The following SUN2 variants were observed in gnomAD, a reference collection of about 807,000 sequenced individuals.
SUN2 encodes the protein SUN domain-containing protein 2.
In SUN2, 60 loss-of-function variants were observed where a neutral mutation model predicts 100.0. That is an observed-to-expected ratio of 0.60 (90% confidence interval 0.49 to 0.74). SUN2 has a LOEUF of 0.74. Among genes scored for constraint, SUN2 ranks in the 30% least tolerant of loss-of-function variants. The pLI, the probability that SUN2 is intolerant of heterozygous loss-of-function variation, is 0.00. For synonymous variants in SUN2, 367 were observed against 403.3 expected, an observed-to-expected ratio of 0.91 and a Z score of 1.08; for missense variants, 834 against 954.6, an observed-to-expected ratio of 0.87 and a Z score of 1.66.
At position 38,740,436 on chromosome 22, in the gene SUN2, G is replaced by A. The variant is rs754222779; in HGVS notation, c.1191-4C>T. 35 of 1,487,804 alleles carry A rather than the reference G, an allele frequency of 2.4e-5. No homozygotes were observed. In the African/African-American group the frequency reaches 4.5e-4, roughly 19 times the overall value. The allele number at this position is 1,487,804 out of a possible 1,614,324, so 92.2% of individuals were successfully genotyped here. ...CTGGAAGGACTCCTGGGTCATGCTG[G>A]TCCCAGAGAGAGAAGAGTAAGCCTC... is the stretch of plus-strand genomic sequence containing the variant. On this transcript the variant is annotated splice_region_variant and splice_polypyrimidine_tract_variant and intron_variant, in intron 11 of 17. Transcript: ENST00000689035. This position sits in a 1 kb window ranked among gnomAD's most constrained non-coding sequence, Gnocchi z 4.8.
Position 38,744,972 on chromosome 22 carries a change from A to T in SUN2, c.813+712T>A, listed in dbSNP as rs1404066263. 3 of 461,000 alleles carry T rather than the reference A, an allele frequency of 6.5e-6. No homozygotes were observed. In the East Asian group the frequency reaches 2.1e-4, roughly 32 times the overall value. 28.6% of individuals were successfully genotyped at this position (461,000 alleles called of 1,614,324 possible). On this transcript the variant is annotated intron_variant, in intron 8 of 17. Coordinates refer to ENST00000689035, the MANE Select transcript of SUN2 (RefSeq NM_015374.3). ...TCCTCCCTGCAGCCGCACCTCTGTC[A>T]TGTGACCTTGTGGGCTCTCTTGCTG... is the stretch of plus-strand genomic sequence containing the variant.
chr22:38,739,949 G>A lies in SUN2; in HGVS notation c.1357-6C>T. ...GCCGGGAACTGAGATTCCACCTATA[G>A]GAACCCAAAGGGGTGTCACCCTGGG... On this transcript the variant is annotated splice_polypyrimidine_tract_variant and splice_region_variant and intron_variant, in intron 12 of 17. Transcript: ENST00000689035. The surrounding 1 kb of genome is among the most constrained non-coding windows in gnomAD (Gnocchi z 6.7). The A allele has an allele frequency of 6.2e-7, 1 of 1,608,606 alleles. No homozygotes were observed. Among genetic ancestry groups the A allele is most frequent in the South Asian group, 1.1e-5 (1 of 91,080 alleles).
rs979622195 is a variant in SUN2 at position 38,736,471 on chromosome 22, G to A, written c.2041-91C>T. On this transcript the variant is annotated intron_variant, in intron 17 of 17. Transcript: ENST00000689035. ...GGAAGGGGAGACAGCCTCGCCTAGG[G>A]CCAGATGGCTCCCCTGCTCCTTCCC... 1.4e-5 allele frequency: 14 copies of A among 1,026,418 alleles called. No homozygotes were observed. The African/African-American group carries it at 2.1e-4, about 15-fold the overall frequency. 63.6% of individuals were successfully genotyped at this position (1,026,418 alleles called of 1,614,324 possible). A position where few individuals can be genotyped will look rare whatever the true frequency, so the allele number is the denominator to read the frequency against.
rs62228777 is a variant in SUN2 at position 38,741,337 on chromosome 22, A to G, written c.1146+157T>C. 3.4e-3 allele frequency among the ~76,000 whole-genome samples: 521 copies of G among 151,956 alleles called. 3 individuals carry two copies. Among genetic ancestry groups the G allele is most frequent in the Non-Finnish European group, 5.9e-3 (403 of 67,952 alleles). On this transcript the variant is annotated intron_variant, in intron 10 of 17. Coordinates refer to ENST00000689035, the MANE Select transcript of SUN2 (RefSeq NM_015374.3). ...GGAGCCCCTGCACAGCTCTCCAACT[A>G]AGGGGTCGGGGGTCAAACAGAGAAG...
At chr22:38,741,472 T>C in intron 10 of SUN2, 22 bp downstream of exon 10, 1 of 1,612,766 alleles carries the variant, frequency 6.2e-7, no homozygotes, top group Non-Finnish European at 8.5e-7. Context: ...TCACAGGCCC[T>C]GAGTGCCGCA....
rs1191325542 is a variant in SUN2, at chr22:38,739,184, C to T, written c.1663+158G>A. The T allele has an allele frequency of 3.2e-6, 3 of 944,022 alleles. No individual in the cohort carries two copies. Among genetic ancestry groups the T allele is most frequent in the African/African-American group, 3.2e-5 (2 of 61,620 alleles). 58.5% of individuals were successfully genotyped at this position (944,022 alleles called of 1,614,324 possible). On this transcript the variant is annotated intron_variant, in intron 14 of 17. Coordinates refer to ENST00000689035, the MANE Select transcript of SUN2 (RefSeq NM_015374.3). The surrounding 1 kb of genome is among the most constrained non-coding windows in gnomAD (Gnocchi z 6.7). ...TGGTACTCGGTACGTCCTGACTTCC[C>T]TGAATTGCCACTTGCCTTTGTCATG...
At position 38,739,356 on chromosome 22, in the gene SUN2, G is replaced by GCGTA. The variant is rs1284194276; in HGVS notation, c.1645_1648dup (p.Ala550ValfsTer17). ...AGAGCACGTACCTCCTGACTCCAGG[G>GCGTA]CGTAGTCTGCCAGCCCGATGCGGTC... is the stretch of plus-strand genomic sequence containing the variant. On this transcript the variant is annotated frameshift_variant, in exon 14 of 18. Coordinates refer to ENST00000689035, the MANE Select transcript of SUN2 (RefSeq NM_015374.3). LOFTEE classifies it high-confidence loss of function. This position sits in a 1 kb window ranked among gnomAD's most constrained non-coding sequence, Gnocchi z 6.7. 1 of 1,612,980 alleles carries GCGTA rather than the reference G, an allele frequency of 6.2e-7. No homozygotes were observed. The highest frequency in any genetic ancestry group is 8.5e-7 in the Non-Finnish European group (1 of 1,180,020).
intron 6 of SUN2, 108 bp from the exon 7 acceptor site, chr22:38,748,891 C>G (rs755381824): frequency 4.8e-5 from 54 of 1,136,036 alleles, no homozygotes; most frequent in Non-Finnish European, 7.0e-5. Context: ...GGGTGCTGAA[C>G]TAGAGCTAAG....
chr22:38,738,315 C>T lies in SUN2; in HGVS notation c.1948-50G>A. ...GGGAGGGGCTGGAGCAGGGAGAACA[C>T]CCCTCCCCACTCCAATCCCTGCTCC... is the stretch of plus-strand genomic sequence containing the variant. On this transcript the variant is annotated intron_variant, in intron 16 of 17. Coordinates refer to ENST00000689035, the MANE Select transcript of SUN2 (RefSeq NM_015374.3). This position sits in a 1 kb window ranked among gnomAD's most constrained non-coding sequence, Gnocchi z 6.6. 1 of 1,491,716 alleles carries T rather than the reference C, an allele frequency of 6.7e-7. No individual in the cohort carries two copies. The highest frequency in any genetic ancestry group is 1.2e-5 in the South Asian group (1 of 85,974). The allele number at this position is 1,491,716 out of a possible 1,614,324, so 92.4% of individuals were successfully genotyped here.
chr22:38,752,280 G>C (rs1465129724), intron 2 of SUN2, among the ~76,000 whole-genome samples: 1 of 152,238 alleles, frequency 6.6e-6, no homozygotes, highest in Non-Finnish European at 1.5e-5. Flanking sequence ...TTCTAAGCAT[G>C]AGGGCAGCAG....
chr22:38,750,740 C>T (rs939089950), intron 4 of SUN2, 158 bp downstream of exon 4: 13 of 1,248,530 alleles, frequency 1.0e-5, no homozygotes, highest in South Asian at 1.5e-5. Flanking sequence ...CAGGGGCCAC[C>T]GCAGGCCAGG....
chr22:38,747,268 G>C (rs565580645), intron 7 of SUN2, among the ~76,000 whole-genome samples: 1 of 150,292 alleles, frequency 6.7e-6, no homozygotes, highest in Non-Finnish European at 1.5e-5. Context: ...GGAGGTGGAG[G>C]TTGCAGTGAG....
intron 7 of SUN2, among the ~76,000 whole-genome samples, chr22:38,748,428 T>A (rs910821741): frequency 3.3e-5 from 5 of 152,218 alleles, no homozygotes; most frequent in African/African-American, 1.2e-4. Context: ...ATAGCAGATG[T>A]CCCTGTTGGA....
chr22:38,740,175 A>C lies in SUN2; in HGVS notation c.1356+92T>G, dbSNP rs561350749. On this transcript the variant is annotated intron_variant, in intron 12 of 17. Coordinates refer to ENST00000689035, the MANE Select transcript of SUN2 (RefSeq NM_015374.3). This position sits in a 1 kb window ranked among gnomAD's most constrained non-coding sequence, Gnocchi z 4.8. The stretch of plus-strand genomic sequence containing the variant: ...GTCTCTTGGGCATAACAGAGGCTGC[A>C]GGGGCAAGGGGTGCTGCTTTGCAGG... 2.5e-4 allele frequency: 354 copies of C among 1,418,666 alleles called. 1 individual carries two copies. In the African/African-American group the frequency reaches 4.4e-3, roughly 18 times the overall value. 87.9% of individuals were successfully genotyped at this position (1,418,666 alleles called of 1,614,324 possible).
chr22:38,736,141 G>A lies in SUN2; in HGVS notation c.*126C>T. On this transcript the variant is annotated 3_prime_UTR_variant, in exon 18 of 18. Coordinates refer to ENST00000689035, the MANE Select transcript of SUN2 (RefSeq NM_015374.3). ...GAGACCCTGCCCGTCCTTTTCATCTGCATGGGGCCACAGGCTCCTCTCTTG... is the reference window on the plus strand; with the variant it reads ...GAGACCCTGCCCGTCCTTTTCATCTACATGGGGCCACAGGCTCCTCTCTTG... 1 of 935,510 alleles carries A rather than the reference G, an allele frequency of 1.1e-6. No individual in the cohort carries two copies. Among genetic ancestry groups the A allele is most frequent in the Non-Finnish European group, 1.7e-6 (1 of 581,704 alleles). 58.0% of individuals were successfully genotyped at this position (935,510 alleles called of 1,614,324 possible). A position where few individuals can be genotyped will look rare whatever the true frequency, so the allele number is the denominator to read the frequency against.
chr22:38,746,011 C>A (rs2092901100), intron 7 of SUN2, among the ~76,000 whole-genome samples, 200 bp from the exon 8 acceptor site: 1 of 152,238 alleles, frequency 6.6e-6, no homozygotes, highest in Admixed American at 6.5e-5. Flanking sequence ...AGAGCATATT[C>A]ATTCTCACAC....
Position 38,736,297 on chromosome 22 carries a change from G to T in SUN2, c.2124C>A (p.Arg708=), listed in dbSNP as rs939772294. The change falls in exon 18 of 18, where the codon CGC becomes CGA. Residue 708 remains arginine (R), a synonymous_variant. Transcript: ENST00000689035. The part of the protein sequence containing the change: ...WGHPEYTCIY[R]FRVHGEPAH ...GGGCGGGCTCCCCATGCACTCTGAAGCGGTAGATGCAGGTGTACTCGGGGT... is the reference window on the plus strand; with the variant it reads ...GGGCGGGCTCCCCATGCACTCTGAATCGGTAGATGCAGGTGTACTCGGGGT... 2 of 1,613,912 alleles carry T rather than the reference G, an allele frequency of 1.2e-6. No homozygotes were observed. The highest frequency in any genetic ancestry group is 1.7e-6 in the Non-Finnish European group (2 of 1,179,952).
In SUN2 at chr22:38,739,806, C is replaced by T; in HGVS notation, c.1494G>A (p.Glu498=). The T allele has an allele frequency of 6.2e-7, 1 of 1,613,688 alleles. No individual in the cohort carries two copies. The highest frequency in any genetic ancestry group is 8.5e-7 in the Non-Finnish European group (1 of 1,180,040). Residue 498 remains glutamate (E), a synonymous_variant, in exon 13 of 18, where the codon GAG becomes GAA. Coordinates refer to ENST00000689035, the MANE Select transcript of SUN2 (RefSeq NM_015374.3). This position sits in a 1 kb window ranked among gnomAD's most constrained non-coding sequence, Gnocchi z 6.7. Reference sequence around the variant, plus strand: ...CTTCCCTGGCCGACTTGCCCTGCATCTCTGCCACATGGGTGAGGATCTTGC... The same window carrying T: ...CTTCCCTGGCCGACTTGCCCTGCATTTCTGCCACATGGGTGAGGATCTTGC... ...LESKILTHVA[E]MQGKSAREAA...
At chr22:38,748,560 G>T (rs1318741571) in intron 7 of SUN2, 153 bp downstream of exon 7, 4 of 820,134 alleles carry the variant, frequency 4.9e-6, no homozygotes, top group Middle Eastern at 2.3e-4. Context: ...GGTGGGGAGG[G>T]CCATGCAGAG....
Sources: allele counts gnomAD v4.1 joint callset (sites outside exome capture counted in the v4.1 genomes callset), GRCh38; gene constraint gnomAD v4.1.1; non-coding constraint Gnocchi (gnomAD v3.1); transcripts MANE v1.5; gene names NCBI Gene and HGNC (gene_info 2026-07-23, HGNC 2026-07-21).